DNAH11: variants seen among roughly 807,000 people sequenced by gnomAD.
DNAH11 encodes axonemal beta dynein heavy chain 11.
In DNAH11, 442 loss-of-function variants were observed where a neutral mutation model predicts 526.0. That is an observed-to-expected ratio of 0.84 (90% CI 0.78 to 0.91). The LOEUF (loss-of-function observed/expected upper bound fraction) is 0.91, where lower values mean the gene tolerates loss of function less well. Among genes scored for constraint, DNAH11 ranks in the 40% least tolerant of loss-of-function variants. The pLI is 0.00. For missense variants in DNAH11, 6,989 were observed against 5,448.7 expected (o/e 1.28, Z -8.90); for synonymous variants, 2,461 against 1,935.9 (o/e 1.27, Z -7.12).
At chr7:21,892,787 C>G (rs941475310) in intron 77 of DNAH11, 120 bp downstream of exon 77, 11 of 1,147,504 alleles carry the variant, frequency 9.6e-6, no homozygotes, top group Admixed American at 2.8e-5. Context: ...ATACAACCAC[C>G]ACCTAGATCA....
At chr7:21,553,593 A>T (rs1264023348) in intron 2 of DNAH11, among the ~76,000 whole-genome samples, 1 of 152,214 alleles carries the variant, frequency 6.6e-6, no homozygotes, top group East Asian at 1.9e-4. Flanking sequence ...AACGGTCATG[A>T]GGTGGATCAC....
At chr7:21,647,274 C>T (rs1787396376) in intron 28 of DNAH11, among the ~76,000 whole-genome samples, 1 of 151,998 alleles carries the variant, frequency 6.6e-6, no homozygotes, top group Non-Finnish European at 1.5e-5. Flanking sequence ...GAAAACTACA[C>T]CAAATTGCTC....
Position 21,600,799 on chromosome 7 carries a change from G to T in DNAH11, c.3124G>T (p.Val1042Leu). ...CCTGGAGACCCACACTTACCTCTGG[G>T]TGGATGATCGAGCTGAGTTTATGAA... Reference protein sequence around the residue: ...NTLETHTYLWVDDRAEFMKHF... With the variant: ...NTLETHTYLWLDDRAEFMKHF... The change falls in exon 16 of 82, where the codon GTG becomes TTG. Residue 1042 changes from valine (V) to leucine (L), a missense_variant. By Grantham distance (32) the Val-to-Leu change is conservative. Coordinates refer to ENST00000409508, the MANE Select transcript of DNAH11 (RefSeq NM_001277115.2). The T allele has an allele frequency of 6.2e-7, 1 of 1,613,928 alleles. No individual in the cohort carries two copies. The highest frequency in any genetic ancestry group is 8.5e-7 in the Non-Finnish European group (1 of 1,179,852).
chr7:21,624,540 G>A lies in DNAH11; in HGVS notation c.4500+4462G>A, dbSNP rs1028868090. Reference sequence around the variant, plus strand: ...TTCACTTCTTCCTTTCCATTTGAGTGCTTTTTATTTCTTGTCTAGTTGCTC... The same window carrying A: ...TTCACTTCTTCCTTTCCATTTGAGTACTTTTTATTTCTTGTCTAGTTGCTC... On this transcript the variant is annotated intron_variant, in intron 25 of 81. Coordinates refer to ENST00000409508, the MANE Select transcript of DNAH11 (RefSeq NM_001277115.2). 3.9e-5 allele frequency among the ~76,000 whole-genome samples: 6 copies of A among 152,220 alleles called. No homozygotes were observed. In the South Asian group the frequency reaches 8.3e-4, roughly 21 times the overall value.
At chr7:21,855,029 ATTTTTTT>A (rs61635369) in intron 68 of DNAH11, among the ~76,000 whole-genome samples, 1 of 114,574 alleles carries the variant, frequency 8.7e-6, no homozygotes, top group Non-Finnish European at 1.8e-5. Context: ...CAGTCTCTTA[ATTTTTTT>A]TTTTTTTTTT....
intron 73 of DNAH11, among the ~76,000 whole-genome samples, chr7:21,872,410 C>A (rs1038120462): frequency 6.6e-6 from 1 of 151,984 alleles, no homozygotes; most frequent in East Asian, 1.9e-4. Flanking sequence ...CCATGTTTGC[C>A]CTCATTCTCT....
rs545296416 is a variant in DNAH11 at position 21,649,706 on chromosome 7, G to A, written c.4945-6126G>A. On this transcript the variant is annotated intron_variant, in intron 28 of 81. Transcript: ENST00000409508. ...GGAGTCTCACTCTGTCACCCATGCTGGAGTGCTGGAGTGCAATAGTGCAAT... is the reference window on the plus strand; with the variant it reads ...GGAGTCTCACTCTGTCACCCATGCTAGAGTGCTGGAGTGCAATAGTGCAAT... Among the ~76,000 whole-genome samples, 3 of 147,718 alleles carry A rather than the reference G, an allele frequency of 2.0e-5. No individual in the cohort carries two copies. The South Asian group carries it at 6.5e-4, about 32-fold the overall frequency.
intron 65 of DNAH11, 107 bp downstream of exon 65, chr7:21,818,446 C>A: frequency 7.7e-7 from 1 of 1,302,666 alleles, no homozygotes; most frequent in Non-Finnish European, 1.0e-6. Context: ...AGTGATATTT[C>A]TGAGTTTCCA....
At chr7:21,595,985 T>A (rs188735516) in intron 14 of DNAH11, among the ~76,000 whole-genome samples, 1 of 152,240 alleles carries the variant, frequency 6.6e-6, no homozygotes, top group East Asian at 1.9e-4. Context: ...GGTAACAGAT[T>A]TTCTTACCAA....
chr7:21,591,633 A>G, intron 14 of DNAH11, 56 bp downstream of exon 14: 1 of 1,440,222 alleles, frequency 6.9e-7, no homozygotes, highest in Admixed American at 2.4e-5. Flanking sequence ...TTCAGAGAAG[A>G]GCAAAAATCT....
chr7:21,810,215 C>G (rs989203689), intron 63 of DNAH11, among the ~76,000 whole-genome samples: 8 of 152,270 alleles, frequency 5.3e-5, no homozygotes, highest in African/African-American at 1.9e-4. Context: ...GTAAAATCAT[C>G]TAGTTTAAGA....
intron 30 of DNAH11, among the ~76,000 whole-genome samples, chr7:21,677,470 A>G (rs1447599304): frequency 6.6e-6 from 1 of 151,980 alleles, no homozygotes; most frequent in Non-Finnish European, 1.5e-5. Flanking sequence ...CAGCCTATAC[A>G]TCTCAGAGTC....
rs373065417 is a variant in DNAH11 at position 21,863,063 on chromosome 7, C to CA, written c.11373+1056dup. On this transcript the variant is annotated intron_variant, in intron 69 of 81. Coordinates refer to ENST00000409508, the MANE Select transcript of DNAH11 (RefSeq NM_001277115.2). ...TGGGCAACAGAGCGAGACTCCGTCT[C>CA]AAAAAAAAAAAAAAAAGAAAAAGAA... Among the ~76,000 whole-genome samples the CA allele has an allele frequency of 3.1e-3, 131 of 42,248 alleles. 1 individual carries two copies. The highest frequency in any genetic ancestry group is 0.014 in the Middle Eastern group (1 of 74). The allele number at this position is 42,248 out of a possible 152,430, so 27.7% of individuals were successfully genotyped here.
At chr7:21,665,719 T>C (rs960917487) in intron 30 of DNAH11, among the ~76,000 whole-genome samples, 10 of 152,124 alleles carry the variant, frequency 6.6e-5, no homozygotes, top group African/African-American at 2.4e-4. Flanking sequence ...AAAGGGATGA[T>C]TTGTGAAGAA....
intron 65 of DNAH11, among the ~76,000 whole-genome samples, chr7:21,834,594 A>G (rs889442075): frequency 6.6e-6 from 1 of 152,228 alleles, no homozygotes; most frequent in African/African-American, 2.4e-5. Context: ...ACACTTTGGG[A>G]GGCCAAGGCA....
intron 2 of DNAH11, among the ~76,000 whole-genome samples, chr7:21,552,209 G>A (rs926291314): frequency 1.1e-4 from 16 of 152,230 alleles, no homozygotes; most frequent in African/African-American, 3.9e-4. Context: ...GACCAGGGCT[G>A]TAATGAAGGC....
rs371037594 is a variant in DNAH11 at position 21,748,649 on chromosome 7, C to T, written c.8580C>T (p.Gly2860=). 32 of 1,613,240 alleles carry T rather than the reference C, an allele frequency of 2.0e-5. No individual in the cohort carries two copies. Among genetic ancestry groups the T allele is most frequent in the Non-Finnish European group, 2.7e-5 (32 of 1,179,506 alleles). The change falls in exon 52 of 82, where the codon GGC becomes GGT. Residue 2860 remains glycine (G), a synonymous_variant. Transcript: ENST00000409508. ...TCTTGGTTGGAGTTGGGGGCAGTGG[C>T]AAGCAGAGCTTGTCCAGGCTGGCAG... The part of the protein sequence containing the change: ...CALLVGVGGS[G]KQSLSRLAAY...
In DNAH11 at chr7:21,631,379, A is replaced by G. The variant is rs149006270; in HGVS notation, c.4501-4492A>G. Among the ~76,000 whole-genome samples, 814 of 152,310 alleles carry G rather than the reference A, an allele frequency of 5.3e-3. 4 individuals carry two copies. The highest frequency in any genetic ancestry group is 9.1e-3 in the Non-Finnish European group (617 of 68,020). On this transcript the variant is annotated intron_variant, in intron 25 of 81. Coordinates refer to ENST00000409508, the MANE Select transcript of DNAH11 (RefSeq NM_001277115.2). ...AATCATGCCTTCCCAACAGTCCCCGAAAGTCTTAACTCATTTCAGCATTAA... is the reference window on the plus strand; with the variant it reads ...AATCATGCCTTCCCAACAGTCCCCGGAAGTCTTAACTCATTTCAGCATTAA...
In DNAH11 at chr7:21,775,244, A is replaced by G. The variant is rs543998030; in HGVS notation, c.9336+1245A>G. Among the ~76,000 whole-genome samples, 6 of 152,294 alleles carry G rather than the reference A, an allele frequency of 3.9e-5. No homozygotes were observed. In the East Asian group the frequency reaches 1.2e-3, roughly 29 times the overall value. On this transcript the variant is annotated intron_variant, in intron 56 of 81. Coordinates refer to ENST00000409508, the MANE Select transcript of DNAH11 (RefSeq NM_001277115.2). Reference sequence around the variant, plus strand: ...GTAGGTTTCCAGGACGGTTGGGATCAAGTGATATTAAGAATAGTTTCTAGG... The same window carrying G: ...GTAGGTTTCCAGGACGGTTGGGATCGAGTGATATTAAGAATAGTTTCTAGG...
Sources: gnomAD v4.1 joint callset for allele counts (sites outside exome capture counted in the v4.1 genomes callset) on GRCh38, gnomAD v4.1.1 for gene constraint, MANE v1.5 for transcripts, NCBI Gene and HGNC (gene_info 2026-07-23, HGNC 2026-07-21) for gene names.